The following IQCH variants were observed in gnomAD, a reference collection of about 807,000 sequenced individuals.
The protein encoded by IQCH is IQ domain-containing protein H.
A neutral mutation model predicts 117.0 loss-of-function variants in IQCH; 98 were observed. That is an observed-to-expected ratio of 0.84 (90% CI 0.71 to 0.99). IQCH has a LOEUF of 0.99. Ranked by LOEUF, IQCH falls within the 50% of genes least tolerant of loss-of-function variation. IQCH has a pLI of 0.00. For synonymous variants in IQCH, 412 were observed against 448.2 expected, an observed-to-expected ratio of 0.92 and a Z score of 1.02; for missense variants, 1,102 against 1,243.8, an observed-to-expected ratio of 0.89 and a Z score of 1.72.
chr15:67,347,110 T>TA (rs1408564081), intron 6 of IQCH, among the ~76,000 whole-genome samples: 1 of 146,914 alleles, frequency 6.8e-6, no homozygotes, highest in Non-Finnish European at 1.5e-5. Flanking sequence ...GCTCCCACTC[T>TA]AAAAAACCAG....
chr15:67,423,244 G>A (rs1011310964), intron 16 of IQCH, among the ~76,000 whole-genome samples: 5 of 152,110 alleles, frequency 3.3e-5, no homozygotes, highest in Admixed American at 2.6e-4. Flanking sequence ...GAGGAGCCAG[G>A]GGAGGCTGCC....
chr15:67,438,695 A>G (rs2082195784), intron 16 of IQCH, among the ~76,000 whole-genome samples: 1 of 152,214 alleles, frequency 6.6e-6, no homozygotes, highest in Middle Eastern at 3.2e-3. Context: ...ACTCACATAA[A>G]CTTAAAGGGG....
intron 10 of IQCH, among the ~76,000 whole-genome samples, chr15:67,380,416 T>C (rs1205172765): frequency 1.3e-5 from 2 of 152,238 alleles, no homozygotes; most frequent in African/African-American, 4.8e-5. Context: ...TTAATCTAAC[T>C]GGCAATTGAT....
At position 67,391,874 on chromosome 15, in the gene IQCH, A is replaced by C. The variant is rs1026121182; in HGVS notation, c.1632+2868A>C. 6.6e-6 allele frequency among the ~76,000 whole-genome samples: 1 copy of C among 152,210 alleles called. No individual in the cohort carries two copies. Among genetic ancestry groups the C allele is most frequent in the Non-Finnish European group, 1.5e-5 (1 of 68,026 alleles). The stretch of plus-strand genomic sequence containing the variant: ...TACAGAGTTGGGTAGAGTACTTGCC[A>C]ATAGAAACACGCAAACCTAGAGGAG... On this transcript the variant is annotated intron_variant, in intron 12 of 20. Coordinates refer to ENST00000335894, the MANE Select transcript of IQCH (RefSeq NM_001031715.3). This position sits in a 1 kb window ranked among gnomAD's most constrained non-coding sequence, Gnocchi z 4.3.
chr15:67,380,805 A>T (rs537311322), intron 10 of IQCH, among the ~76,000 whole-genome samples: 1 of 152,336 alleles, frequency 6.6e-6, no homozygotes, highest in African/African-American at 2.4e-5. Flanking sequence ...ATCACTGATC[A>T]TGAGTTTCAA....
intron 4 of IQCH, among the ~76,000 whole-genome samples, chr15:67,308,954 T>C (rs1373355539): frequency 6.6e-6 from 1 of 152,124 alleles, no homozygotes; most frequent in South Asian, 2.1e-4. Flanking sequence ...TGAGCTTCTC[T>C]GCCATGATCC....
At position 67,453,770 on chromosome 15, in the gene IQCH, G is replaced by A. The variant is rs1266285550; in HGVS notation, c.2506-11357G>A. Among the ~76,000 whole-genome samples the A allele has an allele frequency of 6.6e-6, 1 of 152,246 alleles. No homozygotes were observed. The highest frequency in any genetic ancestry group is 1.5e-5 in the Non-Finnish European group (1 of 68,048). On this transcript the variant is annotated intron_variant, in intron 16 of 20. Transcript: ENST00000335894. The surrounding 1 kb of genome is among the most constrained non-coding windows in gnomAD (Gnocchi z 5.8). ...AAAGCTGTCAGAGAGGGACATTTAA[G>A]TCTGCAGAGGTTACTGCTGTCTTTT... is the stretch of plus-strand genomic sequence containing the variant.
At chr15:67,341,688 A>C (rs1447312519) in intron 5 of IQCH, among the ~76,000 whole-genome samples, 2 of 152,190 alleles carry the variant, frequency 1.3e-5, no homozygotes, top group Non-Finnish European at 2.9e-5. Context: ...TATAAATATA[A>C]AATGAACACA....
At chr15:67,375,013 T>G (rs1356197403) in intron 10 of IQCH, among the ~76,000 whole-genome samples, 1 of 152,218 alleles carries the variant, frequency 6.6e-6, no homozygotes, top group African/African-American at 2.4e-5. Flanking sequence ...CTCCCACCTC[T>G]GACCCTCCTA....
rs147021867 is a variant in IQCH, at chr15:67,372,474, G to A, written c.1117G>A (p.Ala373Thr). The A allele has an allele frequency of 4.3e-6, 7 of 1,613,858 alleles. No individual in the cohort carries two copies. Among genetic ancestry groups the A allele is most frequent in the Admixed American group, 1.7e-5 (1 of 59,972 alleles). The change falls in exon 9 of 21, where the codon GCC (alanine) becomes ACC (threonine). Residue 373 changes from alanine to threonine, a missense_variant. This residue lies in a region of IQCH where 452 missense variants were observed against 449.6 expected (regional missense o/e 1.01). Transcript: ENST00000335894. ...GGGCCAAGATGGAAATTCGGAGGCC[G>A]CCATGAAGATCCAAGCCACATGGAA... ...YKGQDGNSEA[A>T]MKIQATWKCY...
Position 67,288,961 on chromosome 15 carries a change from T to C in IQCH, c.387+9449T>C, listed in dbSNP as rs1458027666. On this transcript the variant is annotated intron_variant, in intron 4 of 20. Transcript: ENST00000335894. The stretch of plus-strand genomic sequence containing the variant: ...ATGCCTGGGCTGAGTCTCAGCCAGC[T>C]AAGATGAGAGAGGAGAGGTGCTCAC... Among the ~76,000 whole-genome samples, 3 of 152,062 alleles carry C rather than the reference T, an allele frequency of 2.0e-5. No individual in the cohort carries two copies. The East Asian group carries it at 5.8e-4, about 29-fold the overall frequency.
At position 67,479,661 on chromosome 15, in the gene IQCH, A is replaced by C. The variant is rs2083294917; in HGVS notation, c.2799+3843A>C. Among the ~76,000 whole-genome samples the C allele has an allele frequency of 1.3e-5, 2 of 152,220 alleles. No individual in the cohort carries two copies. The highest frequency in any genetic ancestry group is 3.2e-3 in the Middle Eastern group (1 of 316). On this transcript the variant is annotated intron_variant, in intron 18 of 20. Coordinates refer to ENST00000335894, the MANE Select transcript of IQCH (RefSeq NM_001031715.3). This position sits in a 1 kb window ranked among gnomAD's most constrained non-coding sequence, Gnocchi z 4.6. ...TGTTTGGGTTATGCTGAGTCTAAAA[A>C]CAAGATCATTTACCTAAATTCCAGA... is the stretch of plus-strand genomic sequence containing the variant.
chr15:67,351,077 T>A (rs1969638750), intron 6 of IQCH, among the ~76,000 whole-genome samples: 1 of 152,206 alleles, frequency 6.6e-6, no homozygotes, highest in African/African-American at 2.4e-5. Context: ...CCATTTTGTT[T>A]GTTTGTTTAT....
intron 16 of IQCH, among the ~76,000 whole-genome samples, chr15:67,455,744 G>A (rs567090956): frequency 1.3e-5 from 2 of 152,178 alleles, no homozygotes; most frequent in African/African-American, 2.4e-5. Context: ...CAGTAAAGGA[G>A]CACTTCTCAA....
In IQCH at chr15:67,254,788, A is replaced by G. The variant is rs1282239764; in HGVS notation, c.-109A>G. ...AGACCCCCTTCCGCTCCCAGCGTGG[A>G]ACAGGCCAGGTCGCGCGCGGTGTTG... On this transcript the variant is annotated 5_prime_UTR_variant, in exon 1 of 21. Coordinates refer to ENST00000335894, the MANE Select transcript of IQCH (RefSeq NM_001031715.3). 4.4e-6 allele frequency: 6 copies of G among 1,367,314 alleles called. No individual in the cohort carries two copies. The highest frequency in any genetic ancestry group is 6.1e-6 in the Non-Finnish European group (6 of 977,354). 84.7% of individuals were successfully genotyped at this position (1,367,314 alleles called of 1,614,324 possible). A position where few individuals can be genotyped will look rare whatever the true frequency, so the allele number is the denominator to read the frequency against.
Position 67,463,579 on chromosome 15 carries a change from A to C in IQCH, c.2506-1548A>C, listed in dbSNP as rs2082854631. Among the ~76,000 whole-genome samples, 1 of 152,126 alleles carries C rather than the reference A, an allele frequency of 6.6e-6. No homozygotes were observed. The highest frequency in any genetic ancestry group is 6.5e-5 in the Admixed American group (1 of 15,282). Reference sequence around the variant, plus strand: ...CTGTGACATGGGGTTGTTATTTTTTAGGCTACCACAGAGATCTGAGATATT... The same window carrying C: ...CTGTGACATGGGGTTGTTATTTTTTCGGCTACCACAGAGATCTGAGATATT... On this transcript the variant is annotated intron_variant, in intron 16 of 20. Transcript: ENST00000335894. This position sits in a 1 kb window ranked among gnomAD's most constrained non-coding sequence, Gnocchi z 4.0.
chr15:67,451,154 T>C (rs972557480), intron 16 of IQCH, among the ~76,000 whole-genome samples: 4 of 152,252 alleles, frequency 2.6e-5, no homozygotes, highest in Non-Finnish European at 4.4e-5. Flanking sequence ...ATCAATTTTG[T>C]TGATCTTTTC....
rs111828398 is a variant in IQCH at position 67,392,792 on chromosome 15, A to G, written c.1633-2499A>G. 5.2e-3 allele frequency among the ~76,000 whole-genome samples: 788 copies of G among 151,428 alleles called. 5 individuals are homozygous for G. Among genetic ancestry groups the G allele is most frequent in the African/African-American group, 0.016 (674 of 41,216 alleles). The stretch of plus-strand genomic sequence containing the variant: ...ACTCTGTCCCTGCTTCCACAAAAAA[A>G]AAAAAAAAAAAGGATTTCAAATTAT... On this transcript the variant is annotated intron_variant, in intron 12 of 20. Coordinates refer to ENST00000335894, the MANE Select transcript of IQCH (RefSeq NM_001031715.3).
intron 1 of IQCH, among the ~76,000 whole-genome samples, chr15:67,260,036 T>C (rs4506838): frequency 0.99 from 151,447 of 152,362 alleles, 75,280 homozygotes; most frequent in Middle Eastern, 1. Context: ...TAATCAGTAA[T>C]GCAGGCTGGA....
Sources: gnomAD v4.1 joint callset for allele counts (sites outside exome capture counted in the v4.1 genomes callset) on GRCh38, gnomAD v4.1.1 for gene constraint, gnomAD v4.1.1 regional missense constraint, Gnocchi (gnomAD v3.1) non-coding constraint, MANE v1.5 for transcripts, NCBI Gene and HGNC (gene_info 2026-07-23, HGNC 2026-07-21) for gene names.